The following FCHSD2 variants were observed in gnomAD, a reference collection of about 807,000 sequenced individuals.
FCHSD2 encodes FCH and double SH3 domains 2.
In FCHSD2, 38 loss-of-function variants were observed where a neutral mutation model predicts 108.1. The ratio of observed to expected loss-of-function variants is 0.35; its 90% CI spans 0.27 to 0.46. The LOEUF is 0.46. Among genes scored for constraint, FCHSD2 ranks in the 20% least tolerant of loss-of-function variants. The pLI, the probability that FCHSD2 is intolerant of heterozygous loss-of-function variation, is 1.00. For missense variants in FCHSD2, 751 were observed against 897.8 expected (o/e 0.84, Z 2.09); for synonymous variants, 279 against 314.7 (o/e 0.89, Z 1.20).
At chr11:72,921,238 C>T (rs750879762) in intron 9 of FCHSD2, among the ~76,000 whole-genome samples, 11 of 152,160 alleles carry the variant, frequency 7.2e-5, no homozygotes, top group South Asian at 2.1e-4. Flanking sequence ...GATAGTTTCA[C>T]GACTGCAAAA....
At chr11:73,061,989 C>CCT (rs1859176749) in intron 3 of FCHSD2, among the ~76,000 whole-genome samples, 1 of 152,138 alleles carries the variant, frequency 6.6e-6, no homozygotes, top group Admixed American at 6.5e-5. Context: ...TCAAGTGGGT[C>CCT]CCTGACCCCT....
intron 3 of FCHSD2, among the ~76,000 whole-genome samples, chr11:73,035,201 T>TGTATGTAC (rs1356352283): frequency 5.9e-4 from 51 of 86,308 alleles, no homozygotes; most frequent in Admixed American, 1.3e-3. Context: ...TATGTATGTA[T>TGTATGTAC]GTACGTACTA....
intron 8 of FCHSD2, among the ~76,000 whole-genome samples, chr11:72,938,994 G>A (rs1021934651): frequency 3.3e-5 from 5 of 152,146 alleles, no homozygotes; most frequent in Non-Finnish European, 7.4e-5. Flanking sequence ...TGGCCTCTGA[G>A]CTACTAAACA....
At chr11:73,072,641 C>T (rs974584551) in intron 3 of FCHSD2, among the ~76,000 whole-genome samples, 12 of 152,146 alleles carry the variant, frequency 7.9e-5, no homozygotes, top group African/African-American at 2.9e-4. Context: ...GGTGGACGTC[C>T]TATTGTGATA....
At chr11:73,034,453 T>C (rs1858439280) in intron 3 of FCHSD2, among the ~76,000 whole-genome samples, 1 of 152,170 alleles carries the variant, frequency 6.6e-6, no homozygotes, top group Non-Finnish European at 1.5e-5. Flanking sequence ...AAAACACAAA[T>C]GATTACACAC....
chr11:73,042,220 C>T (rs551335665), intron 3 of FCHSD2, among the ~76,000 whole-genome samples: 15 of 152,150 alleles, frequency 9.9e-5, no homozygotes, highest in Non-Finnish European at 2.2e-4. Flanking sequence ...CCACTGCACC[C>T]GGCTGAGATT....
intron 2 of FCHSD2, among the ~76,000 whole-genome samples, chr11:73,106,183 G>A (rs776352004): frequency 6.6e-6 from 1 of 152,032 alleles, no homozygotes; most frequent in Non-Finnish European, 1.5e-5. Context: ...CATAAAAGGA[G>A]GACTGCTTTG....
intron 12 of FCHSD2, among the ~76,000 whole-genome samples, chr11:72,874,013 T>C (rs1177379069): frequency 6.6e-6 from 1 of 152,180 alleles, no homozygotes. Context: ...TATAAAAGCA[T>C]TCCTCTGGTG....
At position 72,937,979 on chromosome 11, in the gene FCHSD2, A is replaced by C. The variant is rs562728689; in HGVS notation, c.706-16029T>G. On this transcript the variant is annotated intron_variant, in intron 8 of 19. Transcript: ENST00000409418. ...AAGTGTTATGTCTGAATGGTAAGGGAAACAACAGAATAATGCTGGCTGGAG... is the reference window on the plus strand; with the variant it reads ...AAGTGTTATGTCTGAATGGTAAGGGCAACAACAGAATAATGCTGGCTGGAG... 6.3e-4 allele frequency among the ~76,000 whole-genome samples: 96 copies of C among 152,348 alleles called. 1 individual carries two copies. The South Asian group carries it at 8.1e-3, about 13-fold the overall frequency.
chr11:72,882,101 C>T (rs1215120501), intron 12 of FCHSD2, among the ~76,000 whole-genome samples: 4 of 151,480 alleles, frequency 2.6e-5, no homozygotes, highest in Admixed American at 1.3e-4. Flanking sequence ...GCCGAAATCG[C>T]GCCACTGCAC....
chr11:73,082,197 C>T (rs1340682051), intron 3 of FCHSD2, among the ~76,000 whole-genome samples: 11 of 151,712 alleles, frequency 7.3e-5, no homozygotes, highest in African/African-American at 2.4e-4. Flanking sequence ...ATTAGCTGGG[C>T]GTGATGGCGT....
chr11:73,140,154 G>A (rs1861213241), intron 1 of FCHSD2, 26 bp from the exon 2 acceptor site: 1 of 1,383,708 alleles, frequency 7.2e-7, no homozygotes, highest in Non-Finnish European at 9.8e-7. Flanking sequence ...TATTTATGAA[G>A]GTCTTTTTAC....
chr11:72,889,339 T>C (rs1167793954), intron 11 of FCHSD2, among the ~76,000 whole-genome samples: 3 of 152,200 alleles, frequency 2.0e-5, no homozygotes, highest in Non-Finnish European at 4.4e-5. Context: ...CCCCTGCCCA[T>C]AATACACTAT....
chr11:72,919,463 T>C (rs1565322991), intron 9 of FCHSD2, among the ~76,000 whole-genome samples: 1 of 152,180 alleles, frequency 6.6e-6, no homozygotes, highest in Non-Finnish European at 1.5e-5. Context: ...CTAAAGAGAA[T>C]ATAGTAGAAG....
chr11:72,898,511 G>A (rs1160124594), intron 10 of FCHSD2, among the ~76,000 whole-genome samples: 1 of 152,136 alleles, frequency 6.6e-6, no homozygotes, highest in African/African-American at 2.4e-5. Context: ...ATACTGTCCT[G>A]CCCCTGCAAT....
At chr11:72,987,603 C>T (rs1055864588) in intron 6 of FCHSD2, among the ~76,000 whole-genome samples, 7 of 152,212 alleles carry the variant, frequency 4.6e-5, no homozygotes, top group Admixed American at 3.9e-4. Context: ...TTGCTGTATC[C>T]CCTCTGAATT....
rs549078184 is a variant in FCHSD2 at position 73,105,121 on chromosome 11, A to C, written c.120-21381T>G. ...CAGAATAGGTTATTCCCATTCCATA[A>C]ATGAGGAAAGTACAAATCAGGGCAA... On this transcript the variant is annotated intron_variant, in intron 2 of 19. Transcript: ENST00000409418. 1.3e-4 allele frequency among the ~76,000 whole-genome samples: 20 copies of C among 152,308 alleles called. 1 individual carries two copies. In the South Asian group the frequency reaches 4.1e-3, roughly 32 times the overall value.
At chr11:73,003,414 A>G (rs781534114) in intron 4 of FCHSD2, among the ~76,000 whole-genome samples, 2 of 152,240 alleles carry the variant, frequency 1.3e-5, no homozygotes, top group Admixed American at 1.3e-4. Context: ...TCTTGTTAAC[A>G]TAATAGTGGT....
At chr11:72,911,988 G>GT (rs1855774092) in intron 9 of FCHSD2, among the ~76,000 whole-genome samples, 1 of 152,070 alleles carries the variant, frequency 6.6e-6, no homozygotes, top group East Asian at 1.9e-4. Flanking sequence ...ACTTATTTTT[G>GT]TATGTTGATT....
Sources: allele counts gnomAD v4.1 joint callset (sites outside exome capture counted in the v4.1 genomes callset), GRCh38; gene constraint gnomAD v4.1.1; transcripts MANE v1.5; gene names NCBI Gene and HGNC (gene_info 2026-07-23, HGNC 2026-07-21).